The following CENPC variants were observed in gnomAD, a reference collection of about 807,000 sequenced individuals.
CENPC encodes CENP-C 1.
Under a neutral mutation model 112.1 loss-of-function variants are expected in CENPC, and 63 were observed. That is an observed-to-expected ratio of 0.56 (90% confidence interval 0.46 to 0.69). The LOEUF (loss-of-function observed/expected upper bound fraction) is 0.69. Among genes scored for constraint, CENPC ranks in the 30% least tolerant of loss-of-function variants. The pLI, the probability that CENPC is intolerant of heterozygous loss-of-function variation, is 0.00. For synonymous variants in CENPC, 333 were observed against 367.6 expected (o/e 0.91, Z 1.08); for missense variants, 1,000 against 1,103.8 (o/e 0.91, Z 1.33).
Position 67,489,462 on chromosome 4 carries a change from A to C in CENPC, c.2670+505T>G, listed in dbSNP as rs560152417. Among the ~76,000 whole-genome samples the C allele has an allele frequency of 3.3e-5, 5 of 151,952 alleles. No homozygotes were observed. In the East Asian group the frequency reaches 9.6e-4, roughly 29 times the overall value. ...AGTTAAGTAGTTTTTTTATAATCTCACTCATTTTATTTACTTTTTTCTCAG... is the reference window on the plus strand; with the variant it reads ...AGTTAAGTAGTTTTTTTATAATCTCCCTCATTTTATTTACTTTTTTCTCAG... On this transcript the variant is annotated intron_variant, in intron 17 of 18. Coordinates refer to ENST00000273853, the MANE Select transcript of CENPC (RefSeq NM_001812.4).
chr4:67,505,829 G>C (rs1725716461), intron 11 of CENPC, among the ~76,000 whole-genome samples: 1 of 151,980 alleles, frequency 6.6e-6, no homozygotes, highest in African/African-American at 2.4e-5. Context: ...CATAAGTACT[G>C]AATTTATGAC....
intron 12 of CENPC, among the ~76,000 whole-genome samples, chr4:67,497,070 T>C (rs1031727094): frequency 3.9e-4 from 59 of 152,034 alleles, no homozygotes; most frequent in Admixed American, 1.3e-4. Flanking sequence ...TTCTCACTAT[T>C]TGAGAAGAAC....
At chr4:67,509,439 C>A (rs1248324097) in intron 9 of CENPC, among the ~76,000 whole-genome samples, 3 of 152,062 alleles carry the variant, frequency 2.0e-5, no homozygotes, top group African/African-American at 7.2e-5. Context: ...TTCAGCTTTT[C>A]ACTCCATATA....
rs143715177 is a variant in CENPC at position 67,470,670 on chromosome 4, G to A, written c.*1935C>T. The stretch of plus-strand genomic sequence containing the variant: ...CTGTTGGAATCTGTGGCCTCCTTGA[G>A]TGAGGTCTCACCCACCCCTAGGTTG... On this transcript the variant is annotated 3_prime_UTR_variant, in exon 19 of 19. Coordinates refer to ENST00000273853, the MANE Select transcript of CENPC (RefSeq NM_001812.4). 9 of 152,252 alleles carry A rather than the reference G, an allele frequency of 5.9e-5. No homozygotes were observed. The East Asian group carries it at 1.7e-3, about 29-fold the overall frequency. 9.4% of individuals were successfully genotyped at this position (152,252 alleles called of 1,614,324 possible).
intron 17 of CENPC, among the ~76,000 whole-genome samples, chr4:67,478,451 A>T (rs1173647307): frequency 6.6e-6 from 1 of 152,200 alleles, no homozygotes; most frequent in Non-Finnish European, 1.5e-5. Flanking sequence ...CAGCAAAACT[A>T]AGCTTCATAA....
At position 67,530,867 on chromosome 4, in the gene CENPC, TTTC is replaced by T. The variant is rs747719623; in HGVS notation, c.276_278del (p.Lys93del). On this transcript the variant is annotated inframe_deletion, in exon 5 of 19. Coordinates refer to ENST00000273853, the MANE Select transcript of CENPC (RefSeq NM_001812.4). Reference sequence around the variant, plus strand: ...CTACAACAAACTGTAGAGAGGCTTCTTTCTTCTTTGAAGAAACTGGAACTGACT... The same window carrying T: ...CTACAACAAACTGTAGAGAGGCTTCTTTCTTTGAAGAAACTGGAACTGACT... 1 of 1,607,270 alleles carries T rather than the reference TTTC, an allele frequency of 6.2e-7. No individual in the cohort carries two copies. The highest frequency in any genetic ancestry group is 8.5e-7 in the Non-Finnish European group (1 of 1,176,758).
intron 7 of CENPC, 75 bp downstream of exon 7, chr4:67,518,081 C>T (rs961171418): frequency 6.0e-5 from 46 of 763,334 alleles, no homozygotes; most frequent in Non-Finnish European, 7.9e-5. Flanking sequence ...AGTTAAATAG[C>T]ATTAGGAATC....
At chr4:67,536,417 G>A (rs1036078041) in intron 4 of CENPC, among the ~76,000 whole-genome samples, 1 of 152,100 alleles carries the variant, frequency 6.6e-6, no homozygotes, top group Non-Finnish European at 1.5e-5. Flanking sequence ...GAAAACAGAA[G>A]AGAAAAACTA....
At chr4:67,479,620 C>G (rs925054504) in intron 17 of CENPC, among the ~76,000 whole-genome samples, 3 of 152,096 alleles carry the variant, frequency 2.0e-5, no homozygotes, top group African/African-American at 7.2e-5. Context: ...ATCAAAAAGT[C>G]TGAAAGAACA....
rs1252797564 is a variant in CENPC, at chr4:67,472,583, A to C, written c.*22T>G. The C allele has an allele frequency of 6.8e-7, 1 of 1,465,866 alleles. No homozygotes were observed. Among genetic ancestry groups the C allele is most frequent in the African/African-American group, 1.4e-5 (1 of 69,518 alleles). The allele number at this position is 1,465,866 out of a possible 1,614,324, so 90.8% of individuals were successfully genotyped here. On this transcript the variant is annotated 3_prime_UTR_variant, in exon 19 of 19. Coordinates refer to ENST00000273853, the MANE Select transcript of CENPC (RefSeq NM_001812.4). ...TTCACATATACATATATACATACAT[A>C]TATTTAAGGTTGGTTGATCTTTCAT...
chr4:67,509,153 TTTGGCTCACTGAAA>T lies in CENPC; in HGVS notation c.1613-62_1613-49del. The stretch of plus-strand genomic sequence containing the variant: ...AAAGTTAGTAAGTTTGTCCAGATGA[TTTGGCTCACTGAAA>T]TACCAACAGCATTTATATTTGCATA... On this transcript the variant is annotated intron_variant, in intron 9 of 18. Transcript: ENST00000273853. The T allele has an allele frequency of 2.1e-6, 3 of 1,431,672 alleles. No individual in the cohort carries two copies. In the South Asian group the frequency reaches 3.8e-5, roughly 18 times the overall value. 88.7% of individuals were successfully genotyped at this position (1,431,672 alleles called of 1,614,324 possible).
At position 67,545,390 on chromosome 4, in the gene CENPC, G is replaced by A. The variant is rs1727004202; in HGVS notation, c.-35C>T. 6.6e-7 allele frequency: 1 copy of A among 1,507,904 alleles called. No homozygotes were observed. Among genetic ancestry groups the A allele is most frequent in the East Asian group, 2.7e-5 (1 of 37,120 alleles). 93.4% of individuals were successfully genotyped at this position (1,507,904 alleles called of 1,614,324 possible). A position where few individuals can be genotyped will look rare whatever the true frequency, so the allele number is the denominator to read the frequency against. On this transcript the variant is annotated 5_prime_UTR_variant, in exon 1 of 19. Transcript: ENST00000273853. Reference sequence around the variant, plus strand: ...CCGCTGAGCCAGCGCAACTGTCTGAGGTGGAAGCCCACACGGACCACAGCT... The same window carrying A: ...CCGCTGAGCCAGCGCAACTGTCTGAAGTGGAAGCCCACACGGACCACAGCT...
intron 17 of CENPC, among the ~76,000 whole-genome samples, chr4:67,481,692 T>C (rs1223399626): frequency 1.3e-5 from 2 of 152,054 alleles, no homozygotes; most frequent in Non-Finnish European, 2.9e-5. Flanking sequence ...GGATAACCAG[T>C]AAGGCACAAG....
At position 67,519,341 on chromosome 4, in the gene CENPC, C is replaced by T. The variant is rs763578796; in HGVS notation, c.493G>A (p.Ala165Thr). 1.1e-5 allele frequency: 17 copies of T among 1,612,682 alleles called. No individual in the cohort carries two copies. In the South Asian group the frequency reaches 1.5e-4, roughly 15 times the overall value. ...SVGSPSVLLD[A>T]KTSVSQNVIP... Reference sequence around the variant, plus strand: ...ACATTTTGTGATACAGATGTTTTTGCATCCAAAAGAACAGAAGGTGAGCCA... The same window carrying T: ...ACATTTTGTGATACAGATGTTTTTGTATCCAAAAGAACAGAAGGTGAGCCA... Residue 165 changes from alanine to threonine, a missense_variant, in exon 6 of 19, where the codon GCA becomes ACA. By Grantham distance (58) the Ala-to-Thr change is moderately conservative. Coordinates refer to ENST00000273853, the MANE Select transcript of CENPC (RefSeq NM_001812.4).
rs564059907 is a variant in CENPC at position 67,484,303 on chromosome 4, A to C, written c.2670+5664T>G. ...TAGGCTATATCATCTTATGACGTTC[A>C]TAAGACAAAATAGCTTAATGACTCA... On this transcript the variant is annotated intron_variant, in intron 17 of 18. Transcript: ENST00000273853. Among the ~76,000 whole-genome samples the C allele has an allele frequency of 5.9e-5, 9 of 152,336 alleles. No individual in the cohort carries two copies. The South Asian group carries it at 1.9e-3, about 32-fold the overall frequency.
chr4:67,501,960 C>A (rs1437581788), intron 12 of CENPC, among the ~76,000 whole-genome samples: 1 of 151,754 alleles, frequency 6.6e-6, no homozygotes, highest in Non-Finnish European at 1.5e-5. Flanking sequence ...GTGACTAACA[C>A]AAGGGACAAC....
intron 12 of CENPC, among the ~76,000 whole-genome samples, chr4:67,501,091 T>C (rs936688455): frequency 2.0e-5 from 3 of 152,134 alleles, no homozygotes; most frequent in African/African-American, 7.2e-5. Flanking sequence ...GCAGATCACT[T>C]GAGGTCCAGA....
chr4:67,487,210 C>T (rs1725119093), intron 17 of CENPC, among the ~76,000 whole-genome samples: 1 of 151,978 alleles, frequency 6.6e-6, no homozygotes, highest in African/African-American at 2.4e-5. Flanking sequence ...AGAACAAACT[C>T]ATCTATTATT....
intron 5 of CENPC, among the ~76,000 whole-genome samples, chr4:67,526,451 C>T (rs937818467): frequency 1.3e-5 from 2 of 151,168 alleles, no homozygotes; most frequent in African/African-American, 4.9e-5. Flanking sequence ...CACAAACTAC[C>T]AAAATTCAGT....
Sources: gnomAD v4.1 joint callset for allele counts (sites outside exome capture counted in the v4.1 genomes callset) on GRCh38, gnomAD v4.1.1 for gene constraint, MANE v1.5 for transcripts, NCBI Gene and HGNC (gene_info 2026-07-23, HGNC 2026-07-21) for gene names.